RNF126: variants seen among roughly 807,000 people sequenced by gnomAD.
RNF126 encodes E3 ubiquitin-protein ligase RNF126.
RNF126 carries 20 observed loss-of-function variants against 41.9 expected under a neutral mutation model. That is an observed-to-expected ratio of 0.48 (90% CI 0.34 to 0.69). The LOEUF is 0.69. Among genes scored for constraint, RNF126 ranks in the 30% least tolerant of loss-of-function variants. The pLI is 0.01. For synonymous variants in RNF126, 239 were observed against 202.9 expected, an observed-to-expected ratio of 1.18 and a Z score of -1.51; for missense variants, 433 against 460.6, an observed-to-expected ratio of 0.94 and a Z score of 0.55.
chr19:648,524 G>T, intron 7 of RNF126, 37 bp from the exon 8 acceptor site: 1 of 1,500,226 alleles, frequency 6.7e-7, no homozygotes. Flanking sequence ...AGCGGGCGTG[G>T]GGGGCCTGCC....
intron 1 of RNF126, among the ~76,000 whole-genome samples, chr19:657,722 T>C (rs918632966): frequency 3.3e-5 from 5 of 152,160 alleles, no homozygotes; most frequent in Non-Finnish European, 7.4e-5. Context: ...TTGTCAGGGC[T>C]CTGGGCTGTC....
intron 1 of RNF126, among the ~76,000 whole-genome samples, chr19:656,091 G>C (rs1056027781): frequency 8.5e-5 from 13 of 152,130 alleles, no homozygotes; most frequent in Admixed American, 8.5e-4. Context: ...TTTTGCAGCT[G>C]TGAGAATGCT....
At chr19:649,385 C>T (rs2030159007) in intron 6 of RNF126, 2 of 458,334 alleles carry the variant, frequency 4.4e-6, no homozygotes, top group Non-Finnish European at 7.8e-6. Flanking sequence ...AGGGCGCGAC[C>T]TCTCGGGAAG....
At chr19:650,566 G>A (rs533435465) in intron 4 of RNF126, 3 of 291,674 alleles carry the variant, frequency 1.0e-5, no homozygotes, top group African/African-American at 4.6e-5. Context: ...CACAGAAGAG[G>A]TCCACCACTC....
At chr19:650,894 A>G (rs2030244054) in intron 4 of RNF126, among the ~76,000 whole-genome samples, 1 of 152,054 alleles carries the variant, frequency 6.6e-6, no homozygotes, top group South Asian at 2.1e-4. Context: ...ACCCAGCCTC[A>G]GCTACTTTTT....
intron 3 of RNF126, 141 bp from the exon 4 acceptor site, chr19:651,996 G>A (rs2030324710): frequency 1.3e-6 from 1 of 776,498 alleles, no homozygotes; most frequent in Admixed American, 3.0e-5. Context: ...AGGGAGGCAG[G>A]AATTGGGCAG....
Position 663,028 on chromosome 19 carries a change from G to T in RNF126, c.75+19C>A. 2 of 1,318,136 alleles carry T rather than the reference G, an allele frequency of 1.5e-6. No individual in the cohort carries two copies. Among genetic ancestry groups the T allele is most frequent in the South Asian group, 1.7e-5 (1 of 58,184 alleles). 81.7% of individuals were successfully genotyped at this position (1,318,136 alleles called of 1,614,324 possible). A position where few individuals can be genotyped will look rare whatever the true frequency, so the allele number is the denominator to read the frequency against. On this transcript the variant is annotated intron_variant, in intron 1 of 8. Transcript: ENST00000292363. ...TGCGGCGCAGACCCTGCCGCCCGCCGCCCCGGCCCGGGCCTCACCGGCAGG... is the reference window on the plus strand; with the variant it reads ...TGCGGCGCAGACCCTGCCGCCCGCCTCCCCGGCCCGGGCCTCACCGGCAGG...
intron 1 of RNF126, among the ~76,000 whole-genome samples, chr19:655,230 G>A (rs2030510984): frequency 6.6e-6 from 1 of 152,018 alleles, no homozygotes; most frequent in East Asian, 1.9e-4. Context: ...GGAGCGGGAG[G>A]CAGGAGGCAG....
At chr19:652,907 G>A (rs369565076) in intron 1 of RNF126, 23 bp from the exon 2 acceptor site, 411 of 1,608,592 alleles carry the variant, frequency 2.6e-4, no homozygotes, top group East Asian at 8.9e-4. Flanking sequence ...ACAGGAGGCC[G>A]GGTCACGGTG....
Position 648,907 on chromosome 19 carries a change from G to A in RNF126, c.645C>T (p.Thr215=), listed in dbSNP as rs376157639. The A allele has an allele frequency of 2.0e-5, 29 of 1,431,138 alleles. No homozygotes were observed. The highest frequency in any genetic ancestry group is 1.3e-4 in the Admixed American group (5 of 37,204). 88.7% of individuals were successfully genotyped at this position (1,431,138 alleles called of 1,614,324 possible). A position where few individuals can be genotyped will look rare whatever the true frequency, so the allele number is the denominator to read the frequency against. ...ADKEKIQALP[T]VPVTEEHVGS... ...CTACGTGCTCCTCAGTGACGGGGAC[G>A]GTGGGGAGGGCCTGGATTTTCTCTT... The change falls in exon 7 of 9, where the codon ACC becomes ACT. Residue 215 remains threonine, a synonymous_variant. Coordinates refer to ENST00000292363, the MANE Select transcript of RNF126 (RefSeq NM_194460.3).
At chr19:651,930 C>T (rs753147272) in intron 3 of RNF126, 75 bp from the exon 4 acceptor site, 2 of 1,402,336 alleles carry the variant, frequency 1.4e-6, no homozygotes, top group East Asian at 2.4e-5. Flanking sequence ...GGCACAAAGA[C>T]AAAGGAGAAA....
chr19:652,198 A>C, intron 3 of RNF126, 35 bp downstream of exon 3: 2 of 1,492,372 alleles, frequency 1.3e-6, no homozygotes, highest in Non-Finnish European at 1.8e-6. Context: ...AGCAAGGCTG[A>C]CACGATCGGG....
At chr19:657,958 G>A (rs951419496) in intron 1 of RNF126, among the ~76,000 whole-genome samples, 7 of 152,060 alleles carry the variant, frequency 4.6e-5, no homozygotes, top group African/African-American at 1.7e-4. Flanking sequence ...GCTGCAGGTA[G>A]AAACGCCTGG....
chr19:651,962 G>A (rs2030322499), intron 3 of RNF126, 107 bp from the exon 4 acceptor site: 2 of 1,081,248 alleles, frequency 1.8e-6, no homozygotes, highest in Non-Finnish European at 2.6e-6. Flanking sequence ...CCTGCTGGGT[G>A]CCGGGTGGGA....
chr19:647,913 G>A lies in RNF126; in HGVS notation c.*215C>T, dbSNP rs771238022. 1.7e-4 allele frequency: 111 copies of A among 637,918 alleles called. 1 individual carries two copies. The South Asian group carries it at 1.9e-3, about 11-fold the overall frequency. The allele number at this position is 637,918 out of a possible 1,614,324, so 39.5% of individuals were successfully genotyped here. ...GGTGAGGTTAGACAGAGGACGGGGAGGCTGGGGACGCCCCAGAGGGGACCA... is the reference window on the plus strand; with the variant it reads ...GGTGAGGTTAGACAGAGGACGGGGAAGCTGGGGACGCCCCAGAGGGGACCA... On this transcript the variant is annotated 3_prime_UTR_variant, in exon 9 of 9. Coordinates refer to ENST00000292363, the MANE Select transcript of RNF126 (RefSeq NM_194460.3).
At chr19:658,317 T>TG (rs1216380847) in intron 1 of RNF126, among the ~76,000 whole-genome samples, 1 of 151,798 alleles carries the variant, frequency 6.6e-6, no homozygotes, top group Admixed American at 6.6e-5. Context: ...GCCAGGCGCA[T>TG]GGAGGGGAGT....
At chr19:651,403 G>A in intron 4 of RNF126, 1 of 448,966 alleles carries the variant, frequency 2.2e-6, no homozygotes, top group South Asian at 4.9e-5. Flanking sequence ...CCACTCTGTG[G>A]TCAACCCACA....
chr19:652,347 GCCAGGCGCTCCCTC>G, intron 2 of RNF126, 51 bp from the exon 3 acceptor site: 2 of 1,443,570 alleles, frequency 1.4e-6, no homozygotes, highest in Non-Finnish European at 1.9e-6. Flanking sequence ...GCCCCCATGC[GCCAGGCGCTCCCTC>G]CCCTCAAAAG....
intron 2 of RNF126, 25 bp downstream of exon 2, chr19:652,801 C>T (rs1237340842): frequency 3.7e-6 from 6 of 1,610,498 alleles, no homozygotes; most frequent in South Asian, 1.1e-5. Context: ...GCTCTTCCAG[C>T]CTCTTCAACA....
Sources: gnomAD v4.1 joint callset for allele counts (sites outside exome capture counted in the v4.1 genomes callset) on GRCh38, gnomAD v4.1.1 for gene constraint, MANE v1.5 for transcripts, NCBI Gene and HGNC (gene_info 2026-07-23, HGNC 2026-07-21) for gene names.